Variants in NEGR1 observed in about 807,000 individuals in gnomAD.
NEGR1 encodes IgLON family member 4.
A neutral mutation model predicts 40.9 loss-of-function variants in NEGR1; 10 were observed. The observed-to-expected ratio is 0.24, with a 90% confidence interval of 0.15 to 0.42. The LOEUF (loss-of-function observed/expected upper bound fraction) is 0.42. Among genes scored for constraint, NEGR1 ranks in the 10% least tolerant of loss-of-function variants. The pLI, the probability that NEGR1 is intolerant of heterozygous loss-of-function variation, is 1.00. For synonymous variants in NEGR1, 185 were observed against 166.8 expected, an observed-to-expected ratio of 1.11 and a Z score of -0.84; for missense variants, 352 against 438.9, an observed-to-expected ratio of 0.80 and a Z score of 1.77.
intron 4 of NEGR1, among the ~76,000 whole-genome samples, chr1:71,671,326 G>C (rs1323888438): frequency 6.6e-6 from 1 of 152,088 alleles, no homozygotes; most frequent in Admixed American, 6.6e-5. Context: ...AAAGTAAAGA[G>C]CAACCTTCAG....
In NEGR1 at chr1:72,056,448, T is replaced by C. The variant is rs942801582; in HGVS notation, c.177-121137A>G. 2.6e-5 allele frequency among the ~76,000 whole-genome samples: 4 copies of C among 151,424 alleles called. No homozygotes were observed. In the Admixed American group the frequency reaches 2.6e-4, roughly 10 times the overall value. ...AGGATTATAAGAGAATAGCTTTTTC[T>C]TCTAAACTTCTCAGAGTTAGTGCTG... On this transcript the variant is annotated intron_variant, in intron 1 of 6. Transcript: ENST00000357731.
At chr1:71,549,368 G>A (rs1279743226) in intron 6 of NEGR1, among the ~76,000 whole-genome samples, 1 of 151,626 alleles carries the variant, frequency 6.6e-6, no homozygotes, top group African/African-American at 2.4e-5. Context: ...CAACTTGGCG[G>A]GGAAAGAGAG....
chr1:72,194,888 G>C (rs1433156352), intron 1 of NEGR1, among the ~76,000 whole-genome samples: 1 of 152,034 alleles, frequency 6.6e-6, no homozygotes, highest in Non-Finnish European at 1.5e-5. Context: ...TGCAAGATGG[G>C]TTTCAAATGG....
intron 4 of NEGR1, among the ~76,000 whole-genome samples, chr1:71,627,981 C>T (rs1049877966): frequency 1.1e-4 from 16 of 151,948 alleles, no homozygotes; most frequent in African/African-American, 3.1e-4. Context: ...TCTGGAAAAC[C>T]AGCATGTCAG....
chr1:72,031,514 G>T (rs1182729080), intron 1 of NEGR1, among the ~76,000 whole-genome samples: 1 of 152,074 alleles, frequency 6.6e-6, no homozygotes, highest in East Asian at 1.9e-4. Context: ...TGACAAGCCA[G>T]GGAGAGAAAA....
At chr1:71,766,112 G>A (rs1034314325) in intron 3 of NEGR1, among the ~76,000 whole-genome samples, 2 of 149,972 alleles carry the variant, frequency 1.3e-5, no homozygotes, top group African/African-American at 4.9e-5. Context: ...AGTGGAGGTT[G>A]CAGTGAGCCA....
intron 2 of NEGR1, among the ~76,000 whole-genome samples, chr1:71,907,920 A>G (rs1003069225): frequency 1.3e-5 from 2 of 152,150 alleles, no homozygotes; most frequent in African/African-American, 4.8e-5. Flanking sequence ...CAAGTACTAC[A>G]TGTTCTCACT....
chr1:71,690,628 AG>A (rs1309015102), intron 4 of NEGR1, among the ~76,000 whole-genome samples: 1 of 117,574 alleles, frequency 8.5e-6, no homozygotes, highest in African/African-American at 3.8e-5. Context: ...ACAGAGAGAG[AG>A]AGAGAGAGAG....
At chr1:71,409,270 T>C (rs1646300756) in intron 6 of NEGR1, among the ~76,000 whole-genome samples, 2 of 151,696 alleles carry the variant, frequency 1.3e-5, no homozygotes, top group South Asian at 4.1e-4. Context: ...ATTTAATATA[T>C]GACCTTCTCA....
At chr1:72,258,526 G>A (rs1655351581) in intron 1 of NEGR1, among the ~76,000 whole-genome samples, 1 of 152,042 alleles carries the variant, frequency 6.6e-6, no homozygotes, top group Non-Finnish European at 1.5e-5. Flanking sequence ...AAGAAGAAAA[G>A]AAGAAATACA....
chr1:71,987,070 CTTTTTTTTTCTGTCTGTGGAATCACACTG>C (rs534246114), intron 1 of NEGR1, among the ~76,000 whole-genome samples: 90 of 151,668 alleles, frequency 5.9e-4, no homozygotes, highest in African/African-American at 2.1e-3. Context: ...CAGGGAGAAA[CTTTTTTTTTCTGTCTGTGGAATCACACTG>C]CTTAGGAAGT....
chr1:72,268,302 T>C (rs1013316597), intron 1 of NEGR1, among the ~76,000 whole-genome samples: 3 of 151,500 alleles, frequency 2.0e-5, no homozygotes, highest in African/African-American at 4.8e-5. Context: ...ATTATTATAG[T>C]GTTCACAATA....
At chr1:71,704,294 T>C (rs979940831) in intron 3 of NEGR1, among the ~76,000 whole-genome samples, 3 of 151,116 alleles carry the variant, frequency 2.0e-5, no homozygotes, top group African/African-American at 7.3e-5. Context: ...ATGGAAATAG[T>C]AAAGATGATA....
At chr1:71,646,833 A>G (rs1651546393) in intron 4 of NEGR1, among the ~76,000 whole-genome samples, 1 of 151,862 alleles carries the variant, frequency 6.6e-6, no homozygotes, top group Non-Finnish European at 1.5e-5. Context: ...AATGACATCA[A>G]TAAAGGACAA....
intron 1 of NEGR1, among the ~76,000 whole-genome samples, chr1:72,028,716 C>A (rs1430681998): frequency 6.6e-6 from 1 of 152,220 alleles, no homozygotes; most frequent in African/African-American, 2.4e-5. Context: ...CTGAAATATT[C>A]TGCCTTTGTC....
At chr1:71,883,276 T>C (rs1352519285) in intron 2 of NEGR1, among the ~76,000 whole-genome samples, 1 of 148,466 alleles carries the variant, frequency 6.7e-6, no homozygotes, top group African/African-American at 2.4e-5. Flanking sequence ...TTATATACAA[T>C]AATAAAATGA....
intron 1 of NEGR1, among the ~76,000 whole-genome samples, chr1:72,084,693 G>T (rs1377126153): frequency 6.6e-6 from 1 of 152,022 alleles, no homozygotes; most frequent in Non-Finnish European, 1.5e-5. Flanking sequence ...GTTTACTGTG[G>T]TTCTAATAGT....
rs139089491 is a variant in NEGR1, at chr1:71,817,528, A to G, written c.410-41231T>C. ...CCAGCATCTGCTTCCAGAAAATCCA[A>G]TCTGGACAGTCAATACCAGGACTAG... On this transcript the variant is annotated intron_variant, in intron 2 of 6. Transcript: ENST00000357731. Among the ~76,000 whole-genome samples the G allele has an allele frequency of 3.3e-4, 50 of 152,158 alleles. No homozygotes were observed. In the East Asian group the frequency reaches 6.6e-3, roughly 20 times the overall value.
intron 1 of NEGR1, among the ~76,000 whole-genome samples, chr1:72,226,057 C>T (rs746514851): frequency 2.3e-4 from 35 of 151,480 alleles, no homozygotes; most frequent in Non-Finnish European, 3.4e-4. Context: ...GCACTGTAAT[C>T]GAAATAGCCA....
Sources: allele counts gnomAD v4.1 joint callset (sites outside exome capture counted in the v4.1 genomes callset), GRCh38; gene constraint gnomAD v4.1.1; transcripts MANE v1.5; gene names NCBI Gene and HGNC (gene_info 2026-07-23, HGNC 2026-07-21).